Variants in PIM1 observed in about 807,000 individuals in gnomAD.
PIM1 encodes serine/threonine-protein kinase pim-1.
In PIM1, 9 loss-of-function variants were observed where a neutral mutation model predicts 34.5. That is an observed-to-expected ratio of 0.26 (90% CI 0.16 to 0.46). The LOEUF (loss-of-function observed/expected upper bound fraction) is 0.46, where lower values mean the gene tolerates loss of function less well. Ranked by LOEUF, PIM1 falls within the 20% of genes least tolerant of loss-of-function variation. The pLI is 1.00. For missense variants in PIM1, 274 were observed against 410.9 expected (o/e 0.67, Z 2.88); for synonymous variants, 199 against 175.2 (o/e 1.14, Z -1.07).
rs1762241010 is a variant in PIM1 at position 37,170,184 on chromosome 6, T to C, written c.-392T>C. 3 of 1,096,394 alleles carry C rather than the reference T, an allele frequency of 2.7e-6. No individual in the cohort carries two copies. Among genetic ancestry groups the C allele is most frequent in the Non-Finnish European group, 3.4e-6 (3 of 880,342 alleles). 67.9% of individuals were successfully genotyped at this position (1,096,394 alleles called of 1,614,324 possible). The stretch of plus-strand genomic sequence containing the variant: ...GCTGCGGGGCGAGCCGGGCGTCTGC[T>C]GCAGCGGCCGCGGTGGCTGAGGAGG... On this transcript the variant is annotated 5_prime_UTR_variant, in exon 1 of 6. Coordinates refer to ENST00000373509, the MANE Select transcript of PIM1 (RefSeq NM_002648.4).
intron 4 of PIM1, 118 bp downstream of exon 4, chr6:37,171,609 G>T: frequency 7.1e-6 from 9 of 1,273,250 alleles, no homozygotes; most frequent in Non-Finnish European, 7.4e-6. Context: ...CGCCTGGCTC[G>T]ATGCTAGCCG....
At position 37,170,864 on chromosome 6, in the gene PIM1, C is replaced by T. The variant is rs1561982867; in HGVS notation, c.174C>T (p.Val58=). Residue 58 remains valine (V), a synonymous_variant, in exon 2 of 6, where the codon GTC becomes GTT. Transcript: ENST00000373509. The part of the protein sequence containing the change: ...GFGSVYSGIR[V]SDNLPVAIKH... ...GCTCGGTCTACTCAGGCATCCGCGTCTCCGACAACTTGCCGGTGAGTGGGC... is the reference window on the plus strand; with the variant it reads ...GCTCGGTCTACTCAGGCATCCGCGTTTCCGACAACTTGCCGGTGAGTGGGC... 1.2e-6 allele frequency: 2 copies of T among 1,612,634 alleles called. No homozygotes were observed. Among genetic ancestry groups the T allele is most frequent in the African/African-American group, 2.7e-5 (2 of 74,918 alleles).
chr6:37,171,068 G>A (rs755547352), intron 3 of PIM1, 37 bp downstream of exon 3: 2 of 1,613,684 alleles, frequency 1.2e-6, no homozygotes, highest in African/African-American at 2.7e-5. Context: ...AGGATGAGTG[G>A]GTGGGGTGAG....
In PIM1 at chr6:37,170,999, G is replaced by C; in HGVS notation, c.208G>C (p.Glu70Gln). Residue 70 changes from glutamate (E) to glutamine (Q), a missense_variant, in exon 3 of 6, where the codon GAG (glutamate) becomes CAG (glutamine). Glu to Gln is a conservative substitution (Grantham distance 29). Around this residue, in one of 2 missense-constraint regions of PIM1, gnomAD observed 106 missense variants for 111.5 expected, o/e 0.95. Coordinates refer to ENST00000373509, the MANE Select transcript of PIM1 (RefSeq NM_002648.4). Reference protein sequence around the residue: ...DNLPVAIKHVEKDRISDWGEL... With the variant: ...DNLPVAIKHVQKDRISDWGEL... ...CTTCCAGGTGGCCATCAAACACGTG[G>C]AGAAGGACCGGATTTCCGACTGGGG... The C allele has an allele frequency of 6.2e-7, 1 of 1,614,092 alleles. No homozygotes were observed. Among genetic ancestry groups the C allele is most frequent in the Middle Eastern group, 1.6e-4 (1 of 6,062 alleles).
In PIM1 at chr6:37,170,192, C is replaced by T; in HGVS notation, c.-384C>T. The T allele has an allele frequency of 1.8e-6, 2 of 1,142,002 alleles. No individual in the cohort carries two copies. The highest frequency in any genetic ancestry group is 2.2e-6 in the Non-Finnish European group (2 of 916,698). 70.7% of individuals were successfully genotyped at this position (1,142,002 alleles called of 1,614,324 possible). ...GCGAGCCGGGCGTCTGCTGCAGCGGCCGCGGTGGCTGAGGAGGCCCGAGAG... is the reference window on the plus strand; with the variant it reads ...GCGAGCCGGGCGTCTGCTGCAGCGGTCGCGGTGGCTGAGGAGGCCCGAGAG... On this transcript the variant is annotated 5_prime_UTR_variant, in exon 1 of 6. Coordinates refer to ENST00000373509, the MANE Select transcript of PIM1 (RefSeq NM_002648.4).
In PIM1 at chr6:37,170,418, C is replaced by T. The variant is rs1762249083; in HGVS notation, c.-158C>T. On this transcript the variant is annotated 5_prime_UTR_variant, in exon 1 of 6. Transcript: ENST00000373509. ...CGCCCTCAGTTGTCCTCCGACTCGC[C>T]CTCGGCCTTCCGCGCCAGCCGCAGC... The T allele has an allele frequency of 3.9e-6, 6 of 1,535,080 alleles. No individual in the cohort carries two copies. In the African/African-American group the frequency reaches 4.1e-5, roughly 11 times the overall value.
In PIM1 at chr6:37,173,965, C is replaced by T. The variant is rs1561984402; in HGVS notation, c.816C>T (p.Ala272=). ...ECQHLIRWCL[A]LRPSDRPTFE... ...AGCATCTCATTAGATGGTGCTTGGCCCTGAGACCATCAGATAGGCCAACCT... is the reference window on the plus strand; with the variant it reads ...AGCATCTCATTAGATGGTGCTTGGCTCTGAGACCATCAGATAGGCCAACCT... Residue 272 remains alanine, a synonymous_variant, in exon 6 of 6, where the codon GCC becomes GCT. Coordinates refer to ENST00000373509, the MANE Select transcript of PIM1 (RefSeq NM_002648.4). 6.2e-7 allele frequency: 1 copy of T among 1,613,920 alleles called. No individual in the cohort carries two copies. The highest frequency in any genetic ancestry group is 1.7e-5 in the Admixed American group (1 of 60,004).
chr6:37,174,303 A>C lies in PIM1; in HGVS notation c.*212A>C, dbSNP rs1583400279. ...TGACTCTCCAGGGGTCCTAGGCCTCAACTCCTCCCATAGATACTCTCTTCT... is the reference window on the plus strand; with the variant it reads ...TGACTCTCCAGGGGTCCTAGGCCTCCACTCCTCCCATAGATACTCTCTTCT... On this transcript the variant is annotated 3_prime_UTR_variant, in exon 6 of 6. Transcript: ENST00000373509. 2.4e-6 allele frequency: 1 copy of C among 409,642 alleles called. No individual in the cohort carries two copies. The highest frequency in any genetic ancestry group is 4.4e-6 in the Non-Finnish European group (1 of 229,554). 25.4% of individuals were successfully genotyped at this position (409,642 alleles called of 1,614,324 possible).
In PIM1 at chr6:37,170,757, C is replaced by A. The variant is rs779345095; in HGVS notation, c.83-16C>A. The stretch of plus-strand genomic sequence containing the variant: ...CGCGGGCCGGCACTGAGTCCCCGTG[C>A]TTCCCCCTTTCCTAGGCAAGGAGAA... On this transcript the variant is annotated splice_polypyrimidine_tract_variant and intron_variant, in intron 1 of 5. Coordinates refer to ENST00000373509, the MANE Select transcript of PIM1 (RefSeq NM_002648.4). 1 of 1,611,392 alleles carries A rather than the reference C, an allele frequency of 6.2e-7. No individual in the cohort carries two copies. The highest frequency in any genetic ancestry group is 2.2e-5 in the East Asian group (1 of 44,836).
In PIM1 at chr6:37,170,884, G is replaced by A. The variant is rs1762267895; in HGVS notation, c.189+5G>A. 1 of 1,612,306 alleles carries A rather than the reference G, an allele frequency of 6.2e-7. No homozygotes were observed. The highest frequency in any genetic ancestry group is 1.7e-5 in the Admixed American group (1 of 59,916). On this transcript the variant is annotated splice_donor_5th_base_variant and intron_variant, in intron 2 of 5. Transcript: ENST00000373509. ...CGCGTCTCCGACAACTTGCCGGTGA[G>A]TGGGCGCCCCGCGGTGGGGAGGGCG...
rs1019574901 is a variant in PIM1, at chr6:37,173,183, G to C, written c.784+11G>C. 6.2e-7 allele frequency: 1 copy of C among 1,613,930 alleles called. No homozygotes were observed. Among genetic ancestry groups the C allele is most frequent in the Non-Finnish European group, 8.5e-7 (1 of 1,179,842 alleles). ...AGAGGGTCTCTTCAGGTAACTGATG[G>C]AAACCCCTGGCCATGGGGTTATTGG... On this transcript the variant is annotated intron_variant, in intron 5 of 5. Coordinates refer to ENST00000373509, the MANE Select transcript of PIM1 (RefSeq NM_002648.4).
chr6:37,170,923 G>A (rs745910497), intron 2 of PIM1, 44 bp downstream of exon 2: 3 of 1,612,894 alleles, frequency 1.9e-6, no homozygotes, highest in Non-Finnish European at 2.5e-6. Flanking sequence ...CGGGCGGGGG[G>A]CGCACGGGCG....
At position 37,170,266 on chromosome 6, in the gene PIM1, GC is replaced by G; in HGVS notation, c.-309del. ...GGGACCGGCAGCAGCAGCAGCAGCA[GC>G]AGCAGCAGCAACCACTAGCCTCCTG... is the stretch of plus-strand genomic sequence containing the variant. On this transcript the variant is annotated 5_prime_UTR_variant, in exon 1 of 6. Coordinates refer to ENST00000373509, the MANE Select transcript of PIM1 (RefSeq NM_002648.4). 7.4e-7 allele frequency: 1 copy of G among 1,348,832 alleles called. No homozygotes were observed. Among genetic ancestry groups the G allele is most frequent in the Non-Finnish European group, 9.5e-7 (1 of 1,048,846 alleles). 83.6% of individuals were successfully genotyped at this position (1,348,832 alleles called of 1,614,324 possible).
chr6:37,172,894 A>C, intron 4 of PIM1, 102 bp from the exon 5 acceptor site: 1 of 855,074 alleles, frequency 1.2e-6, no homozygotes, highest in Non-Finnish European at 1.8e-6. Flanking sequence ...GAGAGAAGGG[A>C]TTTTTTTTTT....
Position 37,171,507 on chromosome 6 carries a change from G to A in PIM1, c.607+16G>A. 2 of 1,611,670 alleles carry A rather than the reference G, an allele frequency of 1.2e-6. No homozygotes were observed. The highest frequency in any genetic ancestry group is 1.3e-5 in the African/African-American group (1 of 75,052). ...GACTTCGATGGTGAGCCAGGCCCGG[G>A]AGGGAGCTGCCCAGGTGACTCGGCC... On this transcript the variant is annotated intron_variant, in intron 4 of 5. Transcript: ENST00000373509.
intron 4 of PIM1, 87 bp from the exon 5 acceptor site, chr6:37,172,907 TTA>T (rs1762331667): frequency 5.3e-4 from 608 of 1,144,124 alleles, no homozygotes; most frequent in Non-Finnish European, 6.4e-4. Flanking sequence ...TTTTTTTTTT[TTA>T]AAAGAAAGAG....
chr6:37,173,505 T>G (rs1328898623), intron 5 of PIM1, among the ~76,000 whole-genome samples: 1 of 152,250 alleles, frequency 6.6e-6, no homozygotes, highest in African/African-American at 2.4e-5. Context: ...AAAAGCTCTT[T>G]TAGCATCTTC....
In PIM1 at chr6:37,172,792, G is replaced by T. The variant is rs1384233802; in HGVS notation, c.608-204G>T. ...TCAGTTTATGGTTTGGGCTAGCAGA[G>T]AGGTGGGTAATGCTTTGGGTTGGAG... On this transcript the variant is annotated intron_variant, in intron 4 of 5. Coordinates refer to ENST00000373509, the MANE Select transcript of PIM1 (RefSeq NM_002648.4). 3 of 686,158 alleles carry T rather than the reference G, an allele frequency of 4.4e-6. No homozygotes were observed. The South Asian group carries it at 4.5e-5, about 10-fold the overall frequency. The allele number at this position is 686,158 out of a possible 1,614,324, so 42.5% of individuals were successfully genotyped here.
Position 37,170,801 on chromosome 6 carries a change from G to T in PIM1, c.111G>T (p.Gln37His), listed in dbSNP as rs751073896. The T allele has an allele frequency of 6.2e-7, 1 of 1,612,920 alleles. No individual in the cohort carries two copies. The highest frequency in any genetic ancestry group is 8.5e-7 in the Non-Finnish European group (1 of 1,179,674). ...PGKEKEPLES[Q>H]YQVGPLLGSG... Reference sequence around the variant, plus strand: ...AGGAGAAGGAGCCCCTGGAGTCGCAGTACCAGGTGGGCCCGCTACTGGGCA... The same window carrying T: ...AGGAGAAGGAGCCCCTGGAGTCGCATTACCAGGTGGGCCCGCTACTGGGCA... The change falls in exon 2 of 6, where the codon CAG (glutamine) becomes CAT (histidine). Residue 37 changes from glutamine to histidine, a missense_variant. Coordinates refer to ENST00000373509, the MANE Select transcript of PIM1 (RefSeq NM_002648.4).
Sources: gnomAD v4.1 joint callset for allele counts (sites outside exome capture counted in the v4.1 genomes callset) on GRCh38, gnomAD v4.1.1 for gene constraint, gnomAD v4.1.1 regional missense constraint, MANE v1.5 for transcripts, NCBI Gene and HGNC (gene_info 2026-07-23, HGNC 2026-07-21) for gene names.